TOX: variants seen among roughly 807,000 people sequenced by gnomAD.
TOX encodes the protein thymocyte selection-associated high mobility group box protein TOX.
A neutral mutation model predicts 53.7 loss-of-function variants in TOX; 11 were observed. The ratio of observed to expected loss-of-function variants is 0.20; its 90% CI spans 0.13 to 0.34. The LOEUF is 0.34. Among genes scored for constraint, TOX ranks in the 10% least tolerant of loss-of-function variants. The pLI is 1.00. For synonymous variants in TOX, 225 were observed against 245.3 expected (o/e 0.92, Z 0.77); for missense variants, 570 against 664.6 (o/e 0.86, Z 1.56).
chr8:59,058,674 T>C (rs1306264347), intron 1 of TOX, among the ~76,000 whole-genome samples: 1 of 152,124 alleles, frequency 6.6e-6, no homozygotes, highest in Non-Finnish European at 1.5e-5. Context: ...ATGCTGACTA[T>C]GATGAGTTGT....
chr8:59,072,080 C>G (rs1265927185), intron 1 of TOX, among the ~76,000 whole-genome samples: 1 of 152,170 alleles, frequency 6.6e-6, no homozygotes, highest in Non-Finnish European at 1.5e-5. Context: ...CCACCAACCT[C>G]CTAGGGACCA....
At chr8:59,084,557 A>T (rs1003500507) in intron 1 of TOX, among the ~76,000 whole-genome samples, 1 of 152,160 alleles carries the variant, frequency 6.6e-6, no homozygotes, top group Non-Finnish European at 1.5e-5. Context: ...ACACTGATGA[A>T]ATTTTGTCAT....
At chr8:58,856,760 T>C (rs1810924191) in intron 3 of TOX, among the ~76,000 whole-genome samples, 1 of 151,874 alleles carries the variant, frequency 6.6e-6, no homozygotes, top group Non-Finnish European at 1.5e-5. Context: ...TTTTTTTTTT[T>C]TCAAGTTCCT....
chr8:58,852,111 T>G (rs1810834448), intron 3 of TOX, among the ~76,000 whole-genome samples: 1 of 152,002 alleles, frequency 6.6e-6, no homozygotes, highest in South Asian at 2.1e-4. Flanking sequence ...AATATATTAT[T>G]TATATATGTA....
chr8:59,014,124 G>T (rs1299684138), intron 1 of TOX, among the ~76,000 whole-genome samples: 1 of 152,190 alleles, frequency 6.6e-6, no homozygotes, highest in Non-Finnish European at 1.5e-5. Context: ...TTTAAAGAGT[G>T]CTATTTATTA....
chr8:58,931,695 A>T (rs4738738), intron 3 of TOX, among the ~76,000 whole-genome samples: 9 of 151,980 alleles, frequency 5.9e-5, no homozygotes, highest in African/African-American at 9.7e-5. Context: ...CAAATGGTTT[A>T]GGTTTACTCC....
chr8:58,904,579 TG>T (rs1197584779), intron 3 of TOX, among the ~76,000 whole-genome samples: 2 of 152,206 alleles, frequency 1.3e-5, no homozygotes, highest in African/African-American at 4.8e-5. Flanking sequence ...TATTCCTGAA[TG>T]GCTCAGAGAT....
At chr8:58,887,634 C>T (rs1050906989) in intron 3 of TOX, among the ~76,000 whole-genome samples, 1 of 151,910 alleles carries the variant, frequency 6.6e-6, no homozygotes, top group Admixed American at 6.6e-5. Flanking sequence ...CTTCAACCAA[C>T]CTATTTCATT....
intron 3 of TOX, among the ~76,000 whole-genome samples, chr8:58,872,402 C>T (rs539139469): frequency 8.5e-5 from 13 of 152,158 alleles, no homozygotes; most frequent in African/African-American, 2.9e-4. Flanking sequence ...CACAACTCCT[C>T]ATTCCTTAAA....
intron 1 of TOX, among the ~76,000 whole-genome samples, chr8:58,983,949 A>G (rs1381767072): frequency 2.0e-5 from 3 of 152,238 alleles, no homozygotes; most frequent in African/African-American, 7.2e-5. Context: ...TGTCCCTGAC[A>G]TCCAGAGCCT....
chr8:58,834,611 C>T (rs1563365485), intron 5 of TOX, among the ~76,000 whole-genome samples: 1 of 152,226 alleles, frequency 6.6e-6, no homozygotes. Flanking sequence ...CTGAAATTTT[C>T]TGGATGCCCA....
chr8:58,864,991 TG>T (rs745626283), intron 3 of TOX, among the ~76,000 whole-genome samples: 1 of 152,104 alleles, frequency 6.6e-6, no homozygotes, highest in Non-Finnish European at 1.5e-5. Context: ...ATCAGAAACT[TG>T]TATCAGAAAA....
chr8:59,085,319 T>C (rs1433013043), intron 1 of TOX, among the ~76,000 whole-genome samples: 1 of 152,218 alleles, frequency 6.6e-6, no homozygotes, highest in Non-Finnish European at 1.5e-5. Context: ...AGAAAAGTAA[T>C]GTAATCAAAC....
rs201156151 is a variant in TOX at position 59,091,510 on chromosome 8, TAGAC to T, written c.102+27372_102+27375del. Among the ~76,000 whole-genome samples, 1,464 of 152,234 alleles carry T rather than the reference TAGAC, an allele frequency of 9.6e-3. 36 individuals are homozygous for T. Among genetic ancestry groups the T allele is most frequent in the African/African-American group, 0.034 (1,402 of 41,528 alleles). On this transcript the variant is annotated intron_variant, in intron 1 of 8. Coordinates refer to ENST00000361421, the MANE Select transcript of TOX (RefSeq NM_014729.3). ...ACCAATATGCTCTTCTTGGACAATA[TAGAC>T]AGACAGATCTAGTTGTTAGTCTTAG...
chr8:59,104,212 C>A (rs1388605771), intron 1 of TOX, among the ~76,000 whole-genome samples: 3 of 152,190 alleles, frequency 2.0e-5, no homozygotes, highest in African/African-American at 7.2e-5. Context: ...AGCACATTAT[C>A]TCTACATTGG....
At chr8:58,860,338 T>C (rs985859292) in intron 3 of TOX, among the ~76,000 whole-genome samples, 2 of 152,164 alleles carry the variant, frequency 1.3e-5, no homozygotes, top group South Asian at 4.1e-4. Context: ...GGTGACCATG[T>C]AGTTGGAATT....
intron 1 of TOX, among the ~76,000 whole-genome samples, chr8:59,020,652 T>C (rs1814106969): frequency 6.6e-6 from 1 of 152,172 alleles, no homozygotes; most frequent in Non-Finnish European, 1.5e-5. Flanking sequence ...CATTGCATGA[T>C]CATGCTTTTA....
chr8:59,099,615 A>G (rs563212221), intron 1 of TOX, among the ~76,000 whole-genome samples: 1 of 152,332 alleles, frequency 6.6e-6, no homozygotes, highest in Non-Finnish European at 1.5e-5. Context: ...ACTTGGCTCA[A>G]ATCTCTCTAA....
At chr8:58,872,658 A>G (rs1287214980) in intron 3 of TOX, among the ~76,000 whole-genome samples, 1 of 152,162 alleles carries the variant, frequency 6.6e-6, no homozygotes, top group Admixed American at 6.6e-5. Context: ...TCAGAAAACC[A>G]TCGGACACAT....
Sources: gnomAD v4.1 joint callset for allele counts (sites outside exome capture counted in the v4.1 genomes callset) on GRCh38, gnomAD v4.1.1 for gene constraint, MANE v1.5 for transcripts, NCBI Gene and HGNC (gene_info 2026-07-23, HGNC 2026-07-21) for gene names.